Variants in CNTLN observed in about 807,000 individuals in gnomAD.
CNTLN encodes centlein.
A neutral mutation model predicts 180.0 loss-of-function variants in CNTLN; 212 were observed. The observed-to-expected ratio is 1.18, with a 90% CI of 1.05 to 1.32. CNTLN has a LOEUF of 1.32. Ranked by LOEUF, CNTLN falls within the 40% of genes most tolerant of loss-of-function variation. The probability of loss-of-function intolerance (pLI) is 0.00; values close to 1 mark genes in which losing one functional copy is unlikely to be tolerated. For missense variants in CNTLN, 2,095 were observed against 1,610.9 expected, an observed-to-expected ratio of 1.30 and a Z score of -5.14; for synonymous variants, 722 against 563.1, an observed-to-expected ratio of 1.28 and a Z score of -3.99.
At chr9:17,426,851 A>G (rs1445974609) in intron 18 of CNTLN, among the ~76,000 whole-genome samples, 1 of 152,032 alleles carries the variant, frequency 6.6e-6, no homozygotes, top group Non-Finnish European at 1.5e-5. Context: ...GGGAGCATTC[A>G]TCCAGACTAC....
chr9:17,343,620 A>G (rs1406263765), intron 12 of CNTLN, among the ~76,000 whole-genome samples: 4 of 152,132 alleles, frequency 2.6e-5, no homozygotes, highest in Non-Finnish European at 5.9e-5. Flanking sequence ...TATTTTATAG[A>G]CTCATAGATT....
chr9:17,201,611 GT>G (rs1379762138), intron 2 of CNTLN, among the ~76,000 whole-genome samples: 1 of 152,088 alleles, frequency 6.6e-6, no homozygotes, highest in South Asian at 2.1e-4. Context: ...AGATTTTCTA[GT>G]TTTTTTGCGT....
intron 23 of CNTLN, among the ~76,000 whole-genome samples, chr9:17,469,774 G>GT (rs1831955431): frequency 1.4e-5 from 2 of 139,558 alleles, no homozygotes; most frequent in African/African-American, 6.7e-5. Flanking sequence ...TTAACTCTGG[G>GT]CCTTTCTCTG....
chr9:17,303,216 C>T (rs1032232287), intron 7 of CNTLN, among the ~76,000 whole-genome samples: 2 of 152,112 alleles, frequency 1.3e-5, no homozygotes, highest in African/African-American at 2.4e-5. Flanking sequence ...CAGTATAGTT[C>T]AGTTTTAAAT....
intron 18 of CNTLN, among the ~76,000 whole-genome samples, chr9:17,445,873 G>A (rs924879568): frequency 4.6e-5 from 7 of 152,080 alleles, no homozygotes; most frequent in Non-Finnish European, 1.0e-4. Flanking sequence ...CCTGTCCCTG[G>A]GCAATGGAAT....
intron 2 of CNTLN, among the ~76,000 whole-genome samples, chr9:17,210,273 C>G (rs909998546): frequency 1.3e-5 from 2 of 152,114 alleles, no homozygotes; most frequent in African/African-American, 4.8e-5. Context: ...TCCAAATGTT[C>G]TCATTGTTCA....
At chr9:17,359,725 C>CAAAAAAAAAAAAAAAAAAAAAAAAAA (rs1176814681) in intron 12 of CNTLN, among the ~76,000 whole-genome samples, 1 of 21,338 alleles carries the variant, frequency 4.7e-5, no homozygotes, top group Non-Finnish European at 9.9e-5. Context: ...ACTAAAAATA[C>CAAAAAAAAAAAAAAAAAAAAAAAAAA]AAAAAAAAAA....
chr9:17,510,144 C>A, the CNTLN span, among the ~76,000 whole-genome samples: 6 of 151,904 alleles, frequency 3.9e-5, no homozygotes, highest in Admixed American at 3.3e-4. Flanking sequence ...TGCTAATGGC[C>A]CAGACACTTC....
intron 10 of CNTLN, among the ~76,000 whole-genome samples, chr9:17,333,455 G>A (rs7031133): frequency 0.59 from 90,118 of 151,816 alleles, 27,028 homozygotes; most frequent in East Asian, 0.73. Flanking sequence ...TAATTCTCAA[G>A]TAGTTTTATG....
At chr9:17,395,930 G>A (rs1488666398) in intron 15 of CNTLN, among the ~76,000 whole-genome samples, 2 of 152,184 alleles carry the variant, frequency 1.3e-5, no homozygotes, top group South Asian at 2.1e-4. Context: ...GGATGAGATA[G>A]GAGGTCAGTA....
intron 18 of CNTLN, among the ~76,000 whole-genome samples, chr9:17,445,015 G>A (rs1830319317): frequency 6.6e-6 from 1 of 151,750 alleles, no homozygotes; most frequent in Non-Finnish European, 1.5e-5. Context: ...ACATATGTTG[G>A]TCCTTAGTTT....
chr9:17,190,673 G>T (rs1471828528), intron 2 of CNTLN, among the ~76,000 whole-genome samples: 2 of 152,036 alleles, frequency 1.3e-5, no homozygotes, highest in Non-Finnish European at 2.9e-5. Flanking sequence ...AAACTTGAAG[G>T]TATGTGACTT....
chr9:17,137,855 T>C (rs1175381834), intron 1 of CNTLN, among the ~76,000 whole-genome samples: 1 of 152,200 alleles, frequency 6.6e-6, no homozygotes, highest in East Asian at 1.9e-4. Context: ...ATGTTTCTCT[T>C]AATATCAGCA....
chr9:17,252,461 CATT>C (rs79670841), intron 5 of CNTLN, among the ~76,000 whole-genome samples: 31,054 of 151,606 alleles, frequency 0.2, 4,023 homozygotes, highest in African/African-American at 0.36. Flanking sequence ...CATGACATCT[CATT>C]ATGGTTTTGA....
intron 15 of CNTLN, among the ~76,000 whole-genome samples, chr9:17,399,835 G>T (rs957407695): frequency 6.6e-6 from 1 of 152,096 alleles, no homozygotes; most frequent in Non-Finnish European, 1.5e-5. Context: ...AAAAGACAGA[G>T]GAACACCAAG....
chr9:17,144,916 A>G (rs1818348428), intron 2 of CNTLN, among the ~76,000 whole-genome samples: 1 of 149,232 alleles, frequency 6.7e-6, no homozygotes, highest in Non-Finnish European at 1.5e-5. Context: ...ATCTCGGCTC[A>G]CTGCAAGCTC....
intron 25 of CNTLN, among the ~76,000 whole-genome samples, chr9:17,498,951 G>A (rs16935726): frequency 0.24 from 37,023 of 152,044 alleles, 4,809 homozygotes; most frequent in African/African-American, 0.31. Flanking sequence ...TAAGGGAGAC[G>A]TAGCCCCTTC....
At chr9:17,485,084 C>T (rs1832828806) in intron 24 of CNTLN, among the ~76,000 whole-genome samples, 1 of 152,118 alleles carries the variant, frequency 6.6e-6, no homozygotes, top group Admixed American at 6.6e-5. Flanking sequence ...ATAGCCACTG[C>T]CTCATAACAG....
In CNTLN at chr9:17,388,239, CAG is replaced by C; in HGVS notation, c.2067_2068del (p.Gln689HisfsTer7). On this transcript the variant is annotated frameshift_variant, in exon 14 of 26. Coordinates refer to ENST00000380647, the MANE Select transcript of CNTLN (RefSeq NM_017738.4). LOFTEE classifies it high-confidence loss of function. ...GAAGAATGGAAAAGAAATGTTGGAG[CAG>C]ACATTACAGAAGGTAGTCTAATCTT... ...PEKNGKEMLE[Q>X]TLQKVTELEN... 2.5e-6 allele frequency: 4 copies of C among 1,607,834 alleles called. No homozygotes were observed. Among genetic ancestry groups the C allele is most frequent in the Non-Finnish European group, 3.4e-6 (4 of 1,174,874 alleles).
Sources: allele counts gnomAD v4.1 joint callset (sites outside exome capture counted in the v4.1 genomes callset), GRCh38; gene constraint gnomAD v4.1.1; transcripts MANE v1.5; gene names NCBI Gene and HGNC (gene_info 2026-07-23, HGNC 2026-07-21).